The following ZBTB16 variants were observed in gnomAD, a reference collection of about 807,000 sequenced individuals.
ZBTB16 encodes zinc finger and BTB domain containing 16.
ZBTB16 carries 8 observed loss-of-function variants against 56.8 expected under a neutral mutation model. That is an observed-to-expected ratio of 0.14 (90% CI 0.08 to 0.25). The LOEUF (loss-of-function observed/expected upper bound fraction) is 0.25. ZBTB16 is among the 10% of genes least tolerant of loss of function. The pLI, the probability that ZBTB16 is intolerant of heterozygous loss-of-function variation, is 1.00. For synonymous variants in ZBTB16, 363 were observed against 368.5 expected (o/e 0.98, Z 0.17); for missense variants, 625 against 903.0 (o/e 0.69, Z 3.95).
rs371913747 is a variant in ZBTB16, at chr11:114,162,632, C to T, written c.1366+6198C>T. 1.6e-4 allele frequency among the ~76,000 whole-genome samples: 24 copies of T among 152,324 alleles called. No homozygotes were observed. In the South Asian group the frequency reaches 5.0e-3, roughly 32 times the overall value. ...ACCAGCTATCCCTTCTGGTTAGCTT[C>T]CTACCATCAGGGCAAACCCGGGAGA... On this transcript the variant is annotated intron_variant, in intron 3 of 6. Coordinates refer to ENST00000335953, the MANE Select transcript of ZBTB16 (RefSeq NM_006006.6).
intron 4 of ZBTB16, among the ~76,000 whole-genome samples, chr11:114,231,223 G>A (rs906795637): frequency 2.0e-5 from 3 of 152,162 alleles, no homozygotes; most frequent in Non-Finnish European, 2.9e-5. Context: ...GTGAAGCTCT[G>A]GACACACAGC....
At chr11:114,115,803 G>T (rs987210332) in intron 2 of ZBTB16, among the ~76,000 whole-genome samples, 1 of 152,182 alleles carries the variant, frequency 6.6e-6, no homozygotes, top group Non-Finnish European at 1.5e-5. Context: ...CAGAGGAGGG[G>T]AGGGGAGAAG....
chr11:114,151,070 C>T (rs922202885), intron 2 of ZBTB16, among the ~76,000 whole-genome samples: 17 of 152,158 alleles, frequency 1.1e-4, no homozygotes, highest in African/African-American at 3.9e-4. Flanking sequence ...CAGAATCTCC[C>T]GTCTGCTTCC....
At chr11:114,091,660 A>G (rs1006959658) in intron 2 of ZBTB16, among the ~76,000 whole-genome samples, 2 of 139,772 alleles carry the variant, frequency 1.4e-5, no homozygotes, top group African/African-American at 5.4e-5. Flanking sequence ...TGTTTAAAGT[A>G]TATGGCTGCA....
chr11:114,233,068 C>CGT (rs1944477501), intron 4 of ZBTB16, among the ~76,000 whole-genome samples: 1 of 20,156 alleles, frequency 5.0e-5, no homozygotes, highest in African/African-American at 1.2e-4. Flanking sequence ...CATACGCATG[C>CGT]GCGCGCGCGC....
chr11:114,223,985 G>T (rs1217538902), intron 4 of ZBTB16, among the ~76,000 whole-genome samples: 1 of 152,162 alleles, frequency 6.6e-6, no homozygotes, highest in Non-Finnish European at 1.5e-5. Flanking sequence ...ACTTGGAGAA[G>T]TAAATGGGCA....
intron 2 of ZBTB16, among the ~76,000 whole-genome samples, chr11:114,126,113 C>A (rs1267560037): frequency 6.6e-6 from 1 of 152,174 alleles, no homozygotes; most frequent in Admixed American, 6.5e-5. Flanking sequence ...AGCTGTGCCC[C>A]ATAGGTTCTG....
chr11:114,172,729 C>T (rs1420760994), intron 3 of ZBTB16, among the ~76,000 whole-genome samples: 1 of 152,208 alleles, frequency 6.6e-6, no homozygotes, highest in Non-Finnish European at 1.5e-5. Flanking sequence ...CCTGCACACA[C>T]CAAACTCGCA....
intron 2 of ZBTB16, among the ~76,000 whole-genome samples, chr11:114,106,616 C>T (rs1047756557): frequency 6.6e-6 from 1 of 151,752 alleles, no homozygotes; most frequent in African/African-American, 2.4e-5. Flanking sequence ...GACTATAGGC[C>T]TGCACCACCA....
chr11:114,165,816 G>A (rs987878276), intron 3 of ZBTB16, among the ~76,000 whole-genome samples: 2 of 152,144 alleles, frequency 1.3e-5, no homozygotes, highest in African/African-American at 4.8e-5. Flanking sequence ...AGGATAGGAG[G>A]GTGTCATCTG....
rs948592211 is a variant in ZBTB16, at chr11:114,063,258, C to T, written c.-43C>T. ...CCCACCCAGCCCCGCCACGCAGAGC[C>T]CAGAAGGAAAGAAAGCCTCATGCCT... On this transcript the variant is annotated 5_prime_UTR_variant, in exon 2 of 7. Coordinates refer to ENST00000335953, the MANE Select transcript of ZBTB16 (RefSeq NM_006006.6). This position sits in a 1 kb window ranked among gnomAD's most constrained non-coding sequence, Gnocchi z 6.5. 4 of 1,609,068 alleles carry T rather than the reference C, an allele frequency of 2.5e-6. No individual in the cohort carries two copies. The highest frequency in any genetic ancestry group is 3.4e-6 in the Non-Finnish European group (4 of 1,178,726).
At chr11:114,146,907 C>G (rs1214786866) in intron 2 of ZBTB16, among the ~76,000 whole-genome samples, 2 of 147,678 alleles carry the variant, frequency 1.4e-5, no homozygotes, top group South Asian at 2.1e-4. Context: ...TTGCATTTTT[C>G]TAGAAGAAAG....
chr11:114,119,204 G>T (rs1226833660), intron 2 of ZBTB16, among the ~76,000 whole-genome samples: 1 of 133,976 alleles, frequency 7.5e-6, no homozygotes, highest in Admixed American at 8.5e-5. Flanking sequence ...GGCAGAGGTT[G>T]CAGTGAGCCG....
intron 4 of ZBTB16, among the ~76,000 whole-genome samples, chr11:114,237,655 G>C (rs1452808679): frequency 6.6e-6 from 1 of 152,156 alleles, no homozygotes; most frequent in Non-Finnish European, 1.5e-5. Context: ...GCATTTATTT[G>C]CTTAATCTCC....
chr11:114,071,232 C>T (rs1430724324), intron 2 of ZBTB16, among the ~76,000 whole-genome samples: 2 of 140,358 alleles, frequency 1.4e-5, no homozygotes, highest in Non-Finnish European at 3.0e-5. Flanking sequence ...TGATTTGATT[C>T]TGTGTGTTCT....
At chr11:114,120,977 C>T (rs1200493848) in intron 2 of ZBTB16, among the ~76,000 whole-genome samples, 2 of 152,114 alleles carry the variant, frequency 1.3e-5, no homozygotes, top group Non-Finnish European at 2.9e-5. Flanking sequence ...ACTCTGGAGT[C>T]GGTCTGCATA....
At chr11:114,199,292 C>T (rs868547156) in intron 4 of ZBTB16, among the ~76,000 whole-genome samples, 2 of 146,294 alleles carry the variant, frequency 1.4e-5, no homozygotes, top group African/African-American at 5.2e-5. Context: ...ACGGGGATGC[C>T]GGACATGGAT....
chr11:114,162,857 G>T (rs1476010958), intron 3 of ZBTB16, among the ~76,000 whole-genome samples: 3 of 152,092 alleles, frequency 2.0e-5, no homozygotes, highest in South Asian at 2.1e-4. Context: ...CCCCCAGCTC[G>T]CTCTTGAACA....
chr11:114,226,902 C>T (rs1450612968), intron 4 of ZBTB16, among the ~76,000 whole-genome samples: 1 of 152,158 alleles, frequency 6.6e-6, no homozygotes, highest in Non-Finnish European at 1.5e-5. Context: ...TCATATTCCT[C>T]TCTCTCCCTC....
Sources: allele counts gnomAD v4.1 joint callset (sites outside exome capture counted in the v4.1 genomes callset), GRCh38; gene constraint gnomAD v4.1.1; non-coding constraint Gnocchi (gnomAD v3.1); transcripts MANE v1.5; gene names NCBI Gene and HGNC (gene_info 2026-07-23, HGNC 2026-07-21).